The following GNAQ variants were observed in gnomAD, a reference collection of about 807,000 sequenced individuals.
The protein encoded by GNAQ is guanine nucleotide-binding protein G(q) subunit alpha.
A neutral mutation model predicts 43.9 loss-of-function variants in GNAQ; 8 were observed. The observed-to-expected ratio is 0.18, with a 90% CI of 0.11 to 0.33. The LOEUF is 0.33. Ranked by LOEUF, GNAQ falls within the 10% of genes least tolerant of loss-of-function variation. The pLI, the probability that GNAQ is intolerant of heterozygous loss-of-function variation, is 1.00. For synonymous variants in GNAQ, 155 were observed against 170.7 expected, an observed-to-expected ratio of 0.91 and a Z score of 0.71; for missense variants, 158 against 450.8, an observed-to-expected ratio of 0.35 and a Z score of 5.88.
intron 2 of GNAQ, among the ~76,000 whole-genome samples, chr9:77,918,501 A>T (rs1463121336): frequency 6.6e-6 from 1 of 152,184 alleles, no homozygotes; most frequent in African/African-American, 2.4e-5. Context: ...TTGTAACCAT[A>T]GAAAACTCTA....
At chr9:77,948,920 C>T (rs10122595) in intron 1 of GNAQ, among the ~76,000 whole-genome samples, 2,193 of 152,198 alleles carry the variant, frequency 0.014, 63 homozygotes, top group African/African-American at 0.051. Flanking sequence ...GTCGGTTCCT[C>T]TGCCCACAAT....
intron 1 of GNAQ, among the ~76,000 whole-genome samples, chr9:77,933,348 A>AAC (rs912122189): frequency 7.2e-5 from 11 of 151,986 alleles, no homozygotes; most frequent in South Asian, 6.2e-4. Flanking sequence ...CAGACACACA[A>AAC]ACACACACAC....
chr9:77,815,767 G>T lies in GNAQ; in HGVS notation c.325C>A (p.His109Asn), dbSNP rs1288502233. ...TCAACTTCTCGAACTAATTGTGCAT[G>T]AGCCTGTTTAAATAAAAAAAGGCAG... ...IPYKYEHNKA[H>N]AQLVREVDVE... Residue 109 changes from histidine to asparagine, a missense_variant, in exon 3 of 7, where the codon CAT (histidine) becomes AAT (asparagine). His to Asn is a moderately conservative substitution (Grantham distance 68). This residue lies in a region of GNAQ where 57 missense variants were observed against 78.2 expected (regional missense o/e 0.73). Transcript: ENST00000286548. 6.2e-7 allele frequency: 1 copy of T among 1,606,632 alleles called. No individual in the cohort carries two copies. The highest frequency in any genetic ancestry group is 8.5e-7 in the Non-Finnish European group (1 of 1,176,668).
At position 77,901,063 on chromosome 9, in the gene GNAQ, A is replaced by T. The variant is rs74747432; in HGVS notation, c.321+21098T>A. Among the ~76,000 whole-genome samples, 1,082 of 152,148 alleles carry T rather than the reference A, an allele frequency of 7.1e-3. 20 individuals carry two copies. The highest frequency in any genetic ancestry group is 0.024 in the African/African-American group (1,006 of 41,522). On this transcript the variant is annotated intron_variant, in intron 2 of 6. Transcript: ENST00000286548. ...TACTTGCTTGAATCCTCAAGCTGCCATTTCTCTTCCATGTCCATCCTTTCA... is the reference window on the plus strand; with the variant it reads ...TACTTGCTTGAATCCTCAAGCTGCCTTTTCTCTTCCATGTCCATCCTTTCA...
At chr9:77,732,169 A>G (rs1039877732) in intron 5 of GNAQ, among the ~76,000 whole-genome samples, 2 of 152,180 alleles carry the variant, frequency 1.3e-5, no homozygotes, top group African/African-American at 2.4e-5. Context: ...CCTGCTTTGC[A>G]GTAATCTGCC....
At chr9:78,005,154 C>T (rs1274950983) in intron 1 of GNAQ, among the ~76,000 whole-genome samples, 1 of 152,070 alleles carries the variant, frequency 6.6e-6, no homozygotes, top group South Asian at 2.1e-4. Context: ...CGGGCTCAAG[C>T]GATCCTCCCA....
intron 6 of GNAQ, among the ~76,000 whole-genome samples, chr9:77,726,635 C>T (rs986264328): frequency 1.3e-5 from 2 of 152,140 alleles, no homozygotes; most frequent in Non-Finnish European, 2.9e-5. Context: ...GATATCCATC[C>T]TGGATATCAT....
chr9:77,750,485 AT>A (rs1188480343), intron 5 of GNAQ, among the ~76,000 whole-genome samples: 1 of 152,200 alleles, frequency 6.6e-6, no homozygotes, highest in East Asian at 1.9e-4. Context: ...TCATTATGTA[AT>A]TTAGAAAATT....
At chr9:77,963,940 A>G (rs1196690007) in intron 1 of GNAQ, among the ~76,000 whole-genome samples, 1 of 152,176 alleles carries the variant, frequency 6.6e-6, no homozygotes, top group African/African-American at 2.4e-5. Flanking sequence ...ACAGTTAATA[A>G]TGTAAAAAAG....
At chr9:77,810,358 C>G (rs575226482) in intron 3 of GNAQ, among the ~76,000 whole-genome samples, 2 of 152,250 alleles carry the variant, frequency 1.3e-5, no homozygotes, top group East Asian at 3.9e-4. Context: ...AACTCCTCCT[C>G]CATTCACTTA....
chr9:77,826,910 C>T (rs910706308), intron 2 of GNAQ, among the ~76,000 whole-genome samples: 4 of 152,134 alleles, frequency 2.6e-5, no homozygotes, highest in African/African-American at 4.8e-5. Flanking sequence ...AGTAAAACAA[C>T]GCTTTTGGGT....
At chr9:77,812,227 T>A (rs1204852990) in intron 3 of GNAQ, among the ~76,000 whole-genome samples, 1 of 152,158 alleles carries the variant, frequency 6.6e-6, no homozygotes, top group Non-Finnish European at 1.5e-5. Context: ...AATAAAACTA[T>A]CAGAGGAAGA....
In GNAQ at chr9:77,719,096, C is replaced by T. The variant is rs1262293229; in HGVS notation, c.*2227G>A. The T allele has an allele frequency of 4.3e-6, 1 of 231,638 alleles. No homozygotes were observed. The highest frequency in any genetic ancestry group is 2.2e-5 in the African/African-American group (1 of 45,204). 14.3% of individuals were successfully genotyped at this position (231,638 alleles called of 1,614,324 possible). On this transcript the variant is annotated 3_prime_UTR_variant, in exon 7 of 7. Coordinates refer to ENST00000286548, the MANE Select transcript of GNAQ (RefSeq NM_002072.5). Reference sequence around the variant, plus strand: ...GATTTTATACAGCACGACGCTAGTACCGCTCTGTATGACAGTAAGGTTTTT... The same window carrying T: ...GATTTTATACAGCACGACGCTAGTATCGCTCTGTATGACAGTAAGGTTTTT...
chr9:77,911,721 A>C (rs1027467157), intron 2 of GNAQ, among the ~76,000 whole-genome samples: 6 of 152,154 alleles, frequency 3.9e-5, no homozygotes, highest in Non-Finnish European at 7.3e-5. Flanking sequence ...TTGGCCCAAA[A>C]AGCGATTTGT....
chr9:77,979,399 T>C (rs1385266800), intron 1 of GNAQ, among the ~76,000 whole-genome samples: 1 of 151,436 alleles, frequency 6.6e-6, no homozygotes, highest in Non-Finnish European at 1.5e-5. Context: ...AATTAAAATA[T>C]ATGAAAGAAC....
intron 1 of GNAQ, among the ~76,000 whole-genome samples, chr9:77,999,771 C>A (rs1157454011): frequency 6.6e-6 from 1 of 152,142 alleles, no homozygotes; most frequent in Non-Finnish European, 1.5e-5. Flanking sequence ...TAAGCCAACA[C>A]TAAAATCAAA....
intron 1 of GNAQ, among the ~76,000 whole-genome samples, chr9:77,930,904 A>G (rs1587416510): frequency 6.6e-6 from 1 of 152,234 alleles, no homozygotes; most frequent in East Asian, 1.9e-4. Context: ...GGCAGGCATT[A>G]CTGCCTGAGC....
chr9:77,945,043 T>C (rs1350267582), intron 1 of GNAQ, among the ~76,000 whole-genome samples: 1 of 152,198 alleles, frequency 6.6e-6, no homozygotes, highest in African/African-American at 2.4e-5. Flanking sequence ...TCTGAGTCTG[T>C]CTTCACAGTG....
rs1203387626 is a variant in GNAQ, at chr9:77,991,774, T to C, written c.136+39326A>G. On this transcript the variant is annotated intron_variant, in intron 1 of 6. Transcript: ENST00000286548. Reference sequence around the variant, plus strand: ...CCATTATATAATTCTTATGCCTTTGTATCCTCACAGCTTAGTTCCCACTTA... The same window carrying C: ...CCATTATATAATTCTTATGCCTTTGCATCCTCACAGCTTAGTTCCCACTTA... 4.6e-5 allele frequency among the ~76,000 whole-genome samples: 7 copies of C among 152,182 alleles called. No individual in the cohort carries two copies. The East Asian group carries it at 1.2e-3, about 25-fold the overall frequency.
Sources: allele counts gnomAD v4.1 joint callset (sites outside exome capture counted in the v4.1 genomes callset), GRCh38; gene constraint gnomAD v4.1.1; regional missense constraint gnomAD v4.1.1; transcripts MANE v1.5; gene names NCBI Gene and HGNC (gene_info 2026-07-23, HGNC 2026-07-21).